Variants in CTNND2 observed in about 807,000 individuals in gnomAD.
The protein encoded by CTNND2 is catenin delta 2.
In CTNND2, 22 loss-of-function variants were observed where a neutral mutation model predicts 144.4. The observed-to-expected ratio is 0.15, with a 90% CI of 0.11 to 0.22. The LOEUF (loss-of-function observed/expected upper bound fraction) is 0.22. CTNND2 is among the 10% of genes least tolerant of loss of function. The pLI is 1.00. For synonymous variants in CTNND2, 751 were observed against 695.6 expected (o/e 1.08, Z -1.25); for missense variants, 1,353 against 1,618.8 (o/e 0.84, Z 2.82).
intron 10 of CTNND2, among the ~76,000 whole-genome samples, chr5:11,230,229 A>C (rs1459924549): frequency 2.3e-3 from 103 of 44,486 alleles, no homozygotes; most frequent in African/African-American, 9.6e-3. Context: ...GGGAGGGGGG[A>C]GGGGGGAGGG....
intron 3 of CTNND2, among the ~76,000 whole-genome samples, chr5:11,467,869 TA>T (rs1336712931): frequency 6.6e-6 from 1 of 152,218 alleles, no homozygotes; most frequent in African/African-American, 2.4e-5. Flanking sequence ...CATAGTACTT[TA>T]GGGGGCATAA....
At chr5:11,001,609 A>G (rs1284080298) in intron 18 of CTNND2, among the ~76,000 whole-genome samples, 2 of 152,228 alleles carry the variant, frequency 1.3e-5, no homozygotes, top group Non-Finnish European at 2.9e-5. Context: ...ACTCTATTCT[A>G]TAAGAAATAA....
intron 1 of CTNND2, among the ~76,000 whole-genome samples, chr5:11,745,908 A>G (rs1730353019): frequency 2.6e-5 from 4 of 152,198 alleles, no homozygotes. Context: ...TTTAACAGAA[A>G]CAAGACTTCA....
chr5:11,595,132 T>C (rs540796747), intron 2 of CTNND2, among the ~76,000 whole-genome samples: 24 of 152,302 alleles, frequency 1.6e-4, no homozygotes, highest in Admixed American at 1.4e-3. Context: ...GCTCAGCTTT[T>C]ATCTGTAATC....
At chr5:11,797,588 A>C (rs187428159) in intron 1 of CTNND2, among the ~76,000 whole-genome samples, 1 of 152,336 alleles carries the variant, frequency 6.6e-6, no homozygotes, top group East Asian at 1.9e-4. Context: ...CATCGTCCTC[A>C]TTATGTACTT....
At chr5:11,134,478 C>T (rs963355899) in intron 12 of CTNND2, among the ~76,000 whole-genome samples, 2 of 152,156 alleles carry the variant, frequency 1.3e-5, no homozygotes, top group Non-Finnish European at 2.9e-5. Context: ...TCAGCCATTA[C>T]GTTTGTGGTA....
intron 2 of CTNND2, among the ~76,000 whole-genome samples, chr5:11,652,899 A>T (rs1199808105): frequency 6.6e-6 from 1 of 152,116 alleles, no homozygotes; most frequent in Non-Finnish European, 1.5e-5. Flanking sequence ...ACCCATAGCA[A>T]TCATCTTTCT....
chr5:11,148,784 T>C (rs962854479), intron 12 of CTNND2, among the ~76,000 whole-genome samples: 7 of 152,200 alleles, frequency 4.6e-5, no homozygotes, highest in African/African-American at 9.6e-5. Flanking sequence ...CAGGAGGCTA[T>C]TCTGCCTCAA....
At chr5:11,081,545 G>C (rs1231252700) in intron 16 of CTNND2, among the ~76,000 whole-genome samples, 1 of 152,166 alleles carries the variant, frequency 6.6e-6, no homozygotes, top group Admixed American at 6.5e-5. Flanking sequence ...ATGCTCATTG[G>C]AGCATCATGT....
At chr5:11,667,059 T>TTTCCATCA (rs1434991642) in intron 2 of CTNND2, among the ~76,000 whole-genome samples, 1 of 152,058 alleles carries the variant, frequency 6.6e-6, no homozygotes, top group Non-Finnish European at 1.5e-5. Flanking sequence ...AGAATGATGG[T>TTTCCATCA]TTCCAGCTTC....
intron 9 of CTNND2, among the ~76,000 whole-genome samples, chr5:11,268,589 G>T (rs189232828): frequency 1.3e-5 from 2 of 152,126 alleles, no homozygotes; most frequent in East Asian, 3.9e-4. Flanking sequence ...GGGTGATGGA[G>T]TAAGACTCTG....
At chr5:11,346,046 T>C (rs1754744976) in intron 9 of CTNND2, among the ~76,000 whole-genome samples, 2 of 152,242 alleles carry the variant, frequency 1.3e-5, no homozygotes, top group African/African-American at 2.4e-5. Context: ...ATGTAGGCCA[T>C]GATATCTGAA....
chr5:11,701,833 T>C (rs964221264), intron 2 of CTNND2, among the ~76,000 whole-genome samples: 2 of 152,200 alleles, frequency 1.3e-5, no homozygotes, highest in African/African-American at 4.8e-5. Context: ...GTTAAGGATT[T>C]TTATCACTGA....
chr5:11,277,960 C>G (rs1274483985), intron 9 of CTNND2, among the ~76,000 whole-genome samples: 1 of 152,204 alleles, frequency 6.6e-6, no homozygotes, highest in African/African-American at 2.4e-5. Context: ...AACATTGCTG[C>G]AAAGCCTCTT....
intron 1 of CTNND2, among the ~76,000 whole-genome samples, chr5:11,764,210 A>G (rs1247255051): frequency 1.3e-5 from 2 of 152,190 alleles, no homozygotes; most frequent in Non-Finnish European, 2.9e-5. Context: ...GGCAGCCTCT[A>G]GAAGTCAGAG....
chr5:11,868,188 G>T (rs901075447), intron 1 of CTNND2, among the ~76,000 whole-genome samples: 1 of 152,016 alleles, frequency 6.6e-6, no homozygotes, highest in South Asian at 2.1e-4. Flanking sequence ...TCCCAGCTGT[G>T]GTGCTGAGGA....
chr5:11,641,669 C>T (rs532568058), intron 2 of CTNND2, among the ~76,000 whole-genome samples: 19 of 122,362 alleles, frequency 1.6e-4, no homozygotes, highest in African/African-American at 4.5e-4. Flanking sequence ...TATACATATA[C>T]GTGTGTATAT....
chr5:11,183,415 T>C (rs148982406), intron 11 of CTNND2, among the ~76,000 whole-genome samples: 1 of 152,186 alleles, frequency 6.6e-6, no homozygotes, highest in Non-Finnish European at 1.5e-5. Context: ...TGGCTGTGCA[T>C]AAGTGATTAC....
chr5:11,676,875 T>C (rs950309716), intron 2 of CTNND2, among the ~76,000 whole-genome samples: 3 of 152,246 alleles, frequency 2.0e-5, no homozygotes, highest in African/African-American at 7.2e-5. Context: ...CCTGTTTCCC[T>C]TTTGTGTAAA....
Sources: allele counts gnomAD v4.1 joint callset (sites outside exome capture counted in the v4.1 genomes callset), GRCh38; gene constraint gnomAD v4.1.1; transcripts MANE v1.5; gene names NCBI Gene and HGNC (gene_info 2026-07-23, HGNC 2026-07-21).